The following ZNF407 variants were observed in gnomAD, a reference collection of about 807,000 sequenced individuals.
ZNF407 encodes the protein zinc finger protein 407.
In ZNF407, 17 loss-of-function variants were observed where a neutral mutation model predicts 131.2. That is an observed-to-expected ratio of 0.13 (90% CI 0.09 to 0.19). The LOEUF is 0.19. Ranked by LOEUF, ZNF407 falls within the 10% of genes least tolerant of loss-of-function variation. The pLI is 1.00. For synonymous variants in ZNF407, 1,156 were observed against 1,062.0 expected, an observed-to-expected ratio of 1.09 and a Z score of -1.72; for missense variants, 2,681 against 2,830.6, an observed-to-expected ratio of 0.95 and a Z score of 1.20.
chr18:74,846,462 C>T (rs1049809709), intron 4 of ZNF407, among the ~76,000 whole-genome samples: 13 of 151,496 alleles, frequency 8.6e-5, no homozygotes, highest in Non-Finnish European at 1.8e-4. Context: ...GCCTCGGCCT[C>T]CTGAGTAGCT....
chr18:74,702,939 A>G (rs1967534514), intron 3 of ZNF407, among the ~76,000 whole-genome samples: 1 of 152,240 alleles, frequency 6.6e-6, no homozygotes, highest in South Asian at 2.1e-4. Flanking sequence ...ACCCACAAGC[A>G]TGACCTGGAG....
chr18:74,739,182 AT>A (rs1968490784), intron 3 of ZNF407, among the ~76,000 whole-genome samples: 1 of 151,368 alleles, frequency 6.6e-6, no homozygotes, highest in Admixed American at 6.6e-5. Context: ...TTATTACAAA[AT>A]TTATATATAT....
At chr18:74,802,545 T>G (rs1970037641) in intron 4 of ZNF407, among the ~76,000 whole-genome samples, 1 of 152,220 alleles carries the variant, frequency 6.6e-6, no homozygotes, top group Non-Finnish European at 1.5e-5. Context: ...CCAAATTTTA[T>G]GTAGCAGAAT....
At chr18:75,027,800 A>T (rs1309906341) in intron 8 of ZNF407, among the ~76,000 whole-genome samples, 1 of 152,186 alleles carries the variant, frequency 6.6e-6, no homozygotes, top group African/African-American at 2.4e-5. Context: ...GAAGGAAATG[A>T]GAGGGAGCAG....
intron 8 of ZNF407, among the ~76,000 whole-genome samples, chr18:74,932,458 C>G (rs1405673298): frequency 3.9e-5 from 6 of 152,104 alleles, no homozygotes. Context: ...GTGCATTTCC[C>G]CTCAGCTTCG....
At chr18:74,782,711 C>T (rs960136765) in intron 4 of ZNF407, among the ~76,000 whole-genome samples, 2 of 152,050 alleles carry the variant, frequency 1.3e-5, no homozygotes, top group Non-Finnish European at 2.9e-5. Context: ...CTCCACCTCT[C>T]GGATTCACAC....
intron 8 of ZNF407, among the ~76,000 whole-genome samples, chr18:75,032,344 C>T (rs1164945774): frequency 6.6e-6 from 1 of 152,208 alleles, no homozygotes; most frequent in Admixed American, 6.5e-5. Context: ...CTGCTGGCTG[C>T]CCTCAGCTCC....
intron 8 of ZNF407, among the ~76,000 whole-genome samples, chr18:75,004,575 G>T (rs1024192649): frequency 6.6e-6 from 1 of 152,134 alleles, no homozygotes; most frequent in Non-Finnish European, 1.5e-5. Context: ...TCTCTTGCTC[G>T]AGAGCCACCT....
At chr18:74,883,647 T>C (rs1394854630) in intron 6 of ZNF407, among the ~76,000 whole-genome samples, 1 of 152,182 alleles carries the variant, frequency 6.6e-6, no homozygotes, top group Non-Finnish European at 1.5e-5. Flanking sequence ...GCCAGCTTAA[T>C]AACCACCAGC....
chr18:74,877,434 C>T (rs561718155), intron 5 of ZNF407, 71 bp downstream of exon 5: 11 of 1,373,330 alleles, frequency 8.0e-6, no homozygotes, highest in East Asian at 4.6e-5. Context: ...GGAACAGAGG[C>T]ATTAATTATC....
intron 4 of ZNF407, among the ~76,000 whole-genome samples, chr18:74,837,574 T>C (rs1970575555): frequency 6.6e-6 from 1 of 152,218 alleles, no homozygotes; most frequent in Non-Finnish European, 1.5e-5. Context: ...TTAATTTTTC[T>C]TAATACTAGA....
At chr18:74,859,020 T>TTA (rs938250865) in intron 4 of ZNF407, among the ~76,000 whole-genome samples, 7 of 152,132 alleles carry the variant, frequency 4.6e-5, no homozygotes, top group African/African-American at 1.7e-4. Flanking sequence ...ACCTGTTTAA[T>TTA]AAGTACTCAA....
chr18:74,992,044 C>T (rs1972724806), intron 8 of ZNF407, among the ~76,000 whole-genome samples: 1 of 152,170 alleles, frequency 6.6e-6, no homozygotes, highest in African/African-American at 2.4e-5. Flanking sequence ...AATGGAACTG[C>T]CACAGCCAGT....
At chr18:74,813,756 A>G (rs886928082) in intron 4 of ZNF407, among the ~76,000 whole-genome samples, 2 of 152,162 alleles carry the variant, frequency 1.3e-5, no homozygotes, top group African/African-American at 2.4e-5. Context: ...TAGCTCCCAC[A>G]GCTTACTCAG....
At chr18:74,734,345 C>T (rs537623104) in intron 3 of ZNF407, among the ~76,000 whole-genome samples, 115 of 152,294 alleles carry the variant, frequency 7.6e-4, no homozygotes, top group South Asian at 2.1e-3. Flanking sequence ...GTACCTCAAT[C>T]GGCTCACGAA....
chr18:75,052,472 T>A (rs780957660), intron 8 of ZNF407, among the ~76,000 whole-genome samples: 1 of 152,190 alleles, frequency 6.6e-6, no homozygotes, highest in Admixed American at 6.5e-5. Context: ...GGTCCTCCCA[T>A]GTCCCTTGAA....
intron 4 of ZNF407, among the ~76,000 whole-genome samples, chr18:74,805,049 T>C (rs1343503093): frequency 6.6e-6 from 1 of 152,236 alleles, no homozygotes; most frequent in Non-Finnish European, 1.5e-5. Context: ...AGTTACCTTA[T>C]AACAACAGTT....
intron 3 of ZNF407, among the ~76,000 whole-genome samples, chr18:74,764,051 C>CT (rs974739998): frequency 3.2e-4 from 47 of 148,242 alleles, no homozygotes; most frequent in Non-Finnish European, 4.8e-4. Context: ...TTTTTTCTCT[C>CT]TTTTTTTTTT....
At chr18:74,834,249 G>T (rs1365753041) in intron 4 of ZNF407, among the ~76,000 whole-genome samples, 2 of 152,208 alleles carry the variant, frequency 1.3e-5, no homozygotes, top group Non-Finnish European at 2.9e-5. Flanking sequence ...AGCTGATTTA[G>T]AAACTATTCT....
Sources: gnomAD v4.1 joint callset for allele counts (sites outside exome capture counted in the v4.1 genomes callset) on GRCh38, gnomAD v4.1.1 for gene constraint, MANE v1.5 for transcripts, NCBI Gene and HGNC (gene_info 2026-07-23, HGNC 2026-07-21) for gene names.